Variants in OSBPL9 observed in about 807,000 individuals in gnomAD.
OSBPL9 encodes the protein oxysterol binding protein like 9.
Under a neutral mutation model 106.6 loss-of-function variants are expected in OSBPL9, and 40 were observed. The observed-to-expected ratio is 0.38, with a 90% CI of 0.29 to 0.49. The LOEUF (loss-of-function observed/expected upper bound fraction) is 0.49, where lower values mean the gene tolerates loss of function less well. Ranked by LOEUF, OSBPL9 falls within the 20% of genes least tolerant of loss-of-function variation. OSBPL9 has a pLI of 0.97. For synonymous variants in OSBPL9, 269 were observed against 295.4 expected (o/e 0.91, Z 0.92); for missense variants, 609 against 887.2 (o/e 0.69, Z 3.98).
At chr1:51,520,406 A>G in the OSBPL9 span, among the ~76,000 whole-genome samples, 2 of 151,836 alleles carry the variant, frequency 1.3e-5, no homozygotes, top group Admixed American at 1.3e-4. Context: ...TCCACACCCC[A>G]CCTCTAAGTT....
At chr1:51,590,619 C>CAA (rs572208174) in intron 1 of OSBPL9, among the ~76,000 whole-genome samples, 4 of 53,138 alleles carry the variant, frequency 7.5e-5, no homozygotes, top group Admixed American at 2.0e-4. Flanking sequence ...GACTCCGTCT[C>CAA]AAAAAAAAAA....
intron 12 of OSBPL9, among the ~76,000 whole-genome samples, chr1:51,768,144 T>C (rs1400924221): frequency 2.0e-5 from 3 of 151,960 alleles, no homozygotes; most frequent in Admixed American, 6.6e-5. Context: ...GGTTTCACCG[T>C]GTTAGCCAGG....
At position 51,761,899 on chromosome 1, in the gene OSBPL9, C is replaced by A. The variant is rs1671589808; in HGVS notation, c.706C>A (p.Pro236Thr). 6.2e-7 allele frequency: 1 copy of A among 1,613,836 alleles called. No homozygotes were observed. The highest frequency in any genetic ancestry group is 1.1e-5 in the South Asian group (1 of 91,080). ...TCAGTTGTGTAAGTCAGAGCAGCGT[C>A]CATCTTCCCTACCAGTTGGACCTGT... ...PVQLCKSEQR[P>T]SSLPVGPVLA... The change falls in exon 11 of 24, where the codon CCA (proline) becomes ACA (threonine). Residue 236 changes from proline (P) to threonine (T), a missense_variant. Physicochemically the swap from Pro to Thr is conservative, Grantham distance 38 (BLOSUM62 -1). Around this residue, in one of 5 missense-constraint regions of OSBPL9, gnomAD observed 356 missense variants for 505.8 expected, o/e 0.70. Coordinates refer to ENST00000428468, the MANE Select transcript of OSBPL9 (RefSeq NM_024586.6).
chr1:51,758,576 A>G (rs1287206285), intron 9 of OSBPL9, among the ~76,000 whole-genome samples: 4 of 152,272 alleles, frequency 2.6e-5, no homozygotes, highest in Admixed American at 1.3e-4. Flanking sequence ...GCCTCTCATA[A>G]TTTTTGTTTA....
At chr1:51,597,447 GTGTGTGTGTGTGTA>G in intron 1 of OSBPL9, among the ~76,000 whole-genome samples, 1 of 143,308 alleles carries the variant, frequency 7.0e-6, no homozygotes, top group East Asian at 2.0e-4. Context: ...GTGTGTGTGT[GTGTGTGTGTGTGTA>G]TATACACACA....
chr1:51,580,905 TA>T (rs1645216810), intron 1 of OSBPL9, among the ~76,000 whole-genome samples: 1 of 1,874 alleles, frequency 5.3e-4, no homozygotes, highest in Non-Finnish European at 7.0e-3. Flanking sequence ...TATATATATA[TA>T]TATATATATA....
chr1:51,704,548 G>A (rs190608816), intron 3 of OSBPL9, among the ~76,000 whole-genome samples: 6 of 152,266 alleles, frequency 3.9e-5, no homozygotes, highest in East Asian at 3.9e-4. Context: ...CATAGATTAC[G>A]TAGCTTAAAC....
chr1:51,768,188 G>T (rs1308464811), intron 12 of OSBPL9, among the ~76,000 whole-genome samples: 1 of 151,864 alleles, frequency 6.6e-6, no homozygotes, highest in African/African-American at 2.4e-5. Context: ...TGATCAGCCC[G>T]CCTCGGCCTC....
chr1:51,749,523 C>T (rs1668776777), intron 7 of OSBPL9: 1 of 422,802 alleles, frequency 2.4e-6, no homozygotes, highest in Non-Finnish European at 4.9e-6. Context: ...TGCTATGTTG[C>T]CTAGGCTGGT....
intron 3 of OSBPL9, among the ~76,000 whole-genome samples, chr1:51,702,310 T>C (rs2148856889): frequency 6.6e-6 from 1 of 152,284 alleles, no homozygotes; most frequent in African/African-American, 2.4e-5. Flanking sequence ...CCAGCACCTG[T>C]TGTTTCCTGA....
chr1:51,598,142 T>C (rs1445649245), exon 2 of OSBPL9: 1 of 152,234 alleles, frequency 6.6e-6, no homozygotes, highest in Non-Finnish European at 1.5e-5. Context: ...ACTGAGTCTC[T>C]AAGATGGAGG....
At chr1:51,740,353 A>G (rs1666633394) in intron 4 of OSBPL9, 1 of 1,108,864 alleles carries the variant, frequency 9.0e-7, no homozygotes, top group African/African-American at 1.6e-5. Flanking sequence ...CATTCCTGCT[A>G]AGTTTTCATT....
intron 2 of OSBPL9, among the ~76,000 whole-genome samples, chr1:51,666,488 A>G (rs191555752): frequency 6.6e-6 from 1 of 152,374 alleles, no homozygotes; most frequent in Admixed American, 6.5e-5. Context: ...TCATATTTCA[A>G]ATGTTCAGTA....
At chr1:51,669,187 G>T (rs548826587) in intron 2 of OSBPL9, among the ~76,000 whole-genome samples, 1 of 151,996 alleles carries the variant, frequency 6.6e-6, no homozygotes, top group Non-Finnish European at 1.5e-5. Context: ...TGTCCCTTCC[G>T]CCTCCCAGCA....
At chr1:51,677,703 A>G (rs933425037) in intron 3 of OSBPL9, among the ~76,000 whole-genome samples, 15 of 151,910 alleles carry the variant, frequency 9.9e-5, no homozygotes, top group African/African-American at 2.9e-4. Context: ...GGCATCCACC[A>G]CCACTCTCGG....
At chr1:51,749,532 G>T in intron 7 of OSBPL9, 1 of 416,166 alleles carries the variant, frequency 2.4e-6, no homozygotes, top group South Asian at 1.7e-5. Context: ...GCCTAGGCTG[G>T]TCTCCTAGCC....
intron 1 of OSBPL9, among the ~76,000 whole-genome samples, chr1:51,588,532 A>AT (rs1363596407): frequency 6.6e-6 from 1 of 152,056 alleles, no homozygotes; most frequent in African/African-American, 2.4e-5. Context: ...TGCACCTGTG[A>AT]TTTTAACTAC....
chr1:51,547,494 C>G, the OSBPL9 span, among the ~76,000 whole-genome samples: 1 of 152,070 alleles, frequency 6.6e-6, no homozygotes, highest in Non-Finnish European at 1.5e-5. Context: ...ATAACAGACA[C>G]TTTAAATAAA....
At chr1:51,705,639 T>A (rs1305820123) in intron 3 of OSBPL9, among the ~76,000 whole-genome samples, 1 of 151,746 alleles carries the variant, frequency 6.6e-6, no homozygotes, top group East Asian at 1.9e-4. Flanking sequence ...CATCTGGAAC[T>A]CCCGACCTCA....
Sources: allele counts gnomAD v4.1 joint callset (sites outside exome capture counted in the v4.1 genomes callset), GRCh38; gene constraint gnomAD v4.1.1; regional missense constraint gnomAD v4.1.1; transcripts MANE v1.5; gene names NCBI Gene and HGNC (gene_info 2026-07-23, HGNC 2026-07-21).